The following CDH13 variants were observed in gnomAD, a reference collection of about 807,000 sequenced individuals.
CDH13 encodes the protein cadherin 13.
CDH13 carries 24 observed loss-of-function variants against 63.8 expected under a neutral mutation model. That is an observed-to-expected ratio of 0.38 (90% CI 0.27 to 0.53). CDH13 has a LOEUF of 0.53. CDH13 is among the 20% of genes least tolerant of loss of function. The pLI, the probability that CDH13 is intolerant of heterozygous loss-of-function variation, is 0.85. For synonymous variants in CDH13, 503 were observed against 355.3 expected, an observed-to-expected ratio of 1.42 and a Z score of -4.67; for missense variants, 1,049 against 903.1, an observed-to-expected ratio of 1.16 and a Z score of -2.07.
chr16:83,644,766 AG>A (rs1383629773), intron 8 of CDH13, among the ~76,000 whole-genome samples: 1 of 152,204 alleles, frequency 6.6e-6, no homozygotes, highest in Non-Finnish European at 1.5e-5. Flanking sequence ...TCCCCAGTGA[AG>A]TAGGATCCCA....
rs534516878 is a variant in CDH13 at position 83,072,699 on chromosome 16, A to G, written c.366+40481A>G. Among the ~76,000 whole-genome samples the G allele has an allele frequency of 7.9e-5, 12 of 152,228 alleles. No individual in the cohort carries two copies. The East Asian group carries it at 2.3e-3, about 29-fold the overall frequency. ...CCAAGCTTGATCTGTGCATGGAGCA[A>G]TGTCGTTATGAGAATTCCCCACATT... On this transcript the variant is annotated intron_variant, in intron 3 of 13. Coordinates refer to ENST00000567109, the MANE Select transcript of CDH13 (RefSeq NM_001257.5).
At chr16:83,317,669 A>T (rs1039160913) in intron 5 of CDH13, among the ~76,000 whole-genome samples, 2 of 152,050 alleles carry the variant, frequency 1.3e-5, no homozygotes, top group African/African-American at 2.4e-5. Flanking sequence ...GCATGGTGGC[A>T]TGCACCTGTA....
chr16:83,002,316 G>A (rs954595003), intron 2 of CDH13, among the ~76,000 whole-genome samples: 5 of 152,196 alleles, frequency 3.3e-5, no homozygotes, highest in Admixed American at 6.5e-5. Context: ...TGAATACGGA[G>A]GCAACTCTTG....
chr16:83,380,096 A>G (rs1176117873), intron 6 of CDH13, among the ~76,000 whole-genome samples: 1 of 152,100 alleles, frequency 6.6e-6, no homozygotes, highest in East Asian at 1.9e-4. Flanking sequence ...AGATGATTCA[A>G]AATGGACATT....
intron 6 of CDH13, among the ~76,000 whole-genome samples, chr16:83,442,937 G>T (rs964050384): frequency 6.6e-6 from 1 of 152,150 alleles, no homozygotes; most frequent in African/African-American, 2.4e-5. Context: ...GACCTTCAGG[G>T]ACTTATTTTA....
chr16:83,661,798 A>C (rs1913468430), intron 8 of CDH13, among the ~76,000 whole-genome samples: 2 of 152,232 alleles, frequency 1.3e-5, no homozygotes, highest in Admixed American at 1.3e-4. Flanking sequence ...CAGCCAACAC[A>C]TGGAAATATC....
chr16:82,843,209 C>T lies in CDH13; in HGVS notation c.46-15153C>T, dbSNP rs557169696. On this transcript the variant is annotated intron_variant, in intron 1 of 13. Transcript: ENST00000567109. ...TGTTTCTTGAAGATAGGGACCTTGCCTTTTTGTGTATATTGACAATTAGTG... is the reference window on the plus strand; with the variant it reads ...TGTTTCTTGAAGATAGGGACCTTGCTTTTTTGTGTATATTGACAATTAGTG... Among the ~76,000 whole-genome samples the T allele has an allele frequency of 3.9e-5, 6 of 152,234 alleles. No homozygotes were observed. The South Asian group carries it at 1.2e-3, about 32-fold the overall frequency.
At chr16:83,718,385 T>C (rs1019772136) in intron 10 of CDH13, among the ~76,000 whole-genome samples, 3 of 152,210 alleles carry the variant, frequency 2.0e-5, no homozygotes, top group African/African-American at 7.2e-5. Context: ...GAAAGTATGG[T>C]TTATTGCAAA....
chr16:83,513,597 G>T (rs1010159872), intron 7 of CDH13, among the ~76,000 whole-genome samples: 1 of 152,156 alleles, frequency 6.6e-6, no homozygotes, highest in Non-Finnish European at 1.5e-5. Context: ...CAGGGTGGCA[G>T]CAAGGAGAAG....
chr16:83,100,395 C>T (rs1415482245), intron 3 of CDH13, among the ~76,000 whole-genome samples: 1 of 152,194 alleles, frequency 6.6e-6, no homozygotes, highest in East Asian at 1.9e-4. Context: ...AGGATTATCT[C>T]ACCCATTTCA....
intron 5 of CDH13, among the ~76,000 whole-genome samples, chr16:83,297,658 A>T (rs1201334451): frequency 6.6e-6 from 1 of 152,208 alleles, no homozygotes; most frequent in Admixed American, 6.5e-5. Flanking sequence ...ATGGAAACTG[A>T]CAAAGACATA....
At chr16:83,570,942 C>CCATATATATATATAT (rs1338703347) in intron 7 of CDH13, among the ~76,000 whole-genome samples, 1 of 48,746 alleles carries the variant, frequency 2.1e-5, no homozygotes, top group African/African-American at 6.6e-5. Context: ...ATTTATAACT[C>CCATATATATATATAT]ATCCATATAT....
intron 1 of CDH13, among the ~76,000 whole-genome samples, chr16:82,661,610 C>T (rs1191909997): frequency 6.6e-6 from 1 of 152,222 alleles, no homozygotes; most frequent in African/African-American, 2.4e-5. Flanking sequence ...GGAGCCTGTG[C>T]AACTCCAAAA....
intron 5 of CDH13, among the ~76,000 whole-genome samples, chr16:83,263,239 AG>A (rs1262673945): frequency 1.3e-5 from 2 of 152,248 alleles, no homozygotes; most frequent in Non-Finnish European, 2.9e-5. Context: ...AATTAGTGAA[AG>A]CAACAATTCC....
At chr16:83,602,082 C>CA (rs576973198) in intron 7 of CDH13, among the ~76,000 whole-genome samples, 21,366 of 32,238 alleles carry the variant, frequency 0.66, 7,183 homozygotes, top group Middle Eastern at 0.83. Flanking sequence ...GACTCTGTCT[C>CA]AAAAAAAAAA....
chr16:82,945,739 A>G (rs1904640754), intron 2 of CDH13, among the ~76,000 whole-genome samples: 1 of 152,190 alleles, frequency 6.6e-6, no homozygotes, highest in African/African-American at 2.4e-5. Context: ...GAATATTTAA[A>G]GGGTATTGAC....
chr16:83,474,855 G>A (rs1273609180), intron 6 of CDH13, among the ~76,000 whole-genome samples: 1 of 152,198 alleles, frequency 6.6e-6, no homozygotes, highest in Non-Finnish European at 1.5e-5. Context: ...GGTACATCTT[G>A]CTTCTCACCC....
chr16:83,272,219 T>C (rs554973850), intron 5 of CDH13, among the ~76,000 whole-genome samples: 4 of 152,232 alleles, frequency 2.6e-5, no homozygotes, highest in East Asian at 1.9e-4. Context: ...AGATGGATGA[T>C]AAAATTAAAA....
At chr16:83,204,889 C>T (rs115061811) in intron 4 of CDH13, among the ~76,000 whole-genome samples, 2,027 of 152,288 alleles carry the variant, frequency 0.013, 46 homozygotes, top group African/African-American at 0.046. Context: ...TGTATCTAGG[C>T]ACACTAGAGT....
Sources: allele counts gnomAD v4.1 joint callset (sites outside exome capture counted in the v4.1 genomes callset), GRCh38; gene constraint gnomAD v4.1.1; transcripts MANE v1.5; gene names NCBI Gene and HGNC (gene_info 2026-07-23, HGNC 2026-07-21).